Variants in LOC400499 observed in about 807,000 individuals in gnomAD.
chr16:11,441,149 G>A, the LOC400499 span: 5 of 398,284 alleles, frequency 1.3e-5, no homozygotes, highest in African/African-American at 1.0e-4. Context: ...AGCTACCCTG[G>A]GAATCCAGTG....
the LOC400499 span, chr16:11,484,951 C>T: frequency 2.5e-6 from 1 of 399,446 alleles, no homozygotes; most frequent in Non-Finnish European, 4.4e-6. Context: ...GTGGTGCAGG[C>T]CCTGGTTCTG....
At chr16:11,375,374 C>T in the LOC400499 span, among the ~76,000 whole-genome samples, 10 of 128,242 alleles carry the variant, frequency 7.8e-5, no homozygotes, top group Admixed American at 7.8e-5. Flanking sequence ...AGTGCAGTGG[C>T]GGGACCTCAG....
chr16:11,443,066 G>C, the LOC400499 span, among the ~76,000 whole-genome samples: 1 of 152,130 alleles, frequency 6.6e-6, no homozygotes, highest in East Asian at 1.9e-4. Context: ...GTTCATGGCT[G>C]TAATCCCAGC....
At chr16:11,425,773 T>A in the LOC400499 span, among the ~76,000 whole-genome samples, 3 of 152,182 alleles carry the variant, frequency 2.0e-5, no homozygotes, top group East Asian at 5.8e-4. Flanking sequence ...CGATCAGACG[T>A]TTAGAGAACA....
the LOC400499 span, among the ~76,000 whole-genome samples, chr16:11,422,765 C>T: frequency 2.0e-5 from 3 of 152,298 alleles, no homozygotes; most frequent in African/African-American, 4.8e-5. Context: ...GTGCTTCCTG[C>T]CTGCACCCTC....
the LOC400499 span, among the ~76,000 whole-genome samples, chr16:11,442,919 G>C: frequency 7.2e-5 from 11 of 152,138 alleles, no homozygotes; most frequent in Middle Eastern, 3.2e-3. Context: ...TCCCCGGGGA[G>C]CCACACGCAG....
chr16:11,437,275 G>A, the LOC400499 span, among the ~76,000 whole-genome samples: 1 of 152,218 alleles, frequency 6.6e-6, no homozygotes, highest in Non-Finnish European at 1.5e-5. Context: ...AAATCCACAG[G>A]CTGGCAGGGC....
chr16:11,390,490 T>C, the LOC400499 span: 4 of 1,234,222 alleles, frequency 3.2e-6, no homozygotes, highest in Non-Finnish European at 4.0e-6. Flanking sequence ...CCACCCACCA[T>C]GAGACCTCAG....
the LOC400499 span, among the ~76,000 whole-genome samples, chr16:11,466,585 T>C: frequency 1.6e-4 from 24 of 151,984 alleles, no homozygotes; most frequent in Non-Finnish European, 2.6e-4. Context: ...GACGGGGTTT[T>C]GCCATGTTGT....
the LOC400499 span, chr16:11,461,028 A>C: frequency 6.5e-7 from 1 of 1,536,140 alleles, no homozygotes; most frequent in Non-Finnish European, 8.7e-7. Context: ...GCAGCAGGCC[A>C]AGGGCACGAA....
chr16:11,375,114 C>G, the LOC400499 span, among the ~76,000 whole-genome samples: 2,460 of 127,668 alleles, frequency 0.019, 114 homozygotes, highest in Middle Eastern at 0.034. Flanking sequence ...TCCCATAGTG[C>G]TGGGATTACA....
the LOC400499 span, among the ~76,000 whole-genome samples, chr16:11,453,687 G>A: frequency 2.0e-5 from 3 of 151,984 alleles, no homozygotes; most frequent in African/African-American, 7.3e-5. Context: ...AAACAAGGAG[G>A]CCAGGTGCGG....
chr16:11,478,862 C>T, the LOC400499 span, among the ~76,000 whole-genome samples: 1 of 152,080 alleles, frequency 6.6e-6, no homozygotes, highest in Non-Finnish European at 1.5e-5. Flanking sequence ...GTGCTGTTCG[C>T]GTGATAGTGA....
the LOC400499 span, among the ~76,000 whole-genome samples, chr16:11,459,482 C>A: frequency 2.0e-5 from 3 of 152,080 alleles, no homozygotes; most frequent in Non-Finnish European, 2.9e-5. Flanking sequence ...AGGCATGAGC[C>A]ACTGCGCCCG....
At chr16:11,424,075 G>A in the LOC400499 span, 87 of 399,224 alleles carry the variant, frequency 2.2e-4, no homozygotes, top group African/African-American at 1.5e-3. Context: ...ACTGGCCCCC[G>A]AGAGGGCCCG....
At chr16:11,445,673 G>A in the LOC400499 span, among the ~76,000 whole-genome samples, 2 of 152,164 alleles carry the variant, frequency 1.3e-5, no homozygotes, top group Non-Finnish European at 2.9e-5. Context: ...ACGAAGCAGG[G>A]CTGAGGGGAC....
At chr16:11,435,450 T>C in the LOC400499 span, among the ~76,000 whole-genome samples, 1 of 152,032 alleles carries the variant, frequency 6.6e-6, no homozygotes, top group Non-Finnish European at 1.5e-5. Flanking sequence ...AACACTCTCA[T>C]AACAACGCAA....
chr16:11,475,655 A>G, the LOC400499 span: 2 of 399,100 alleles, frequency 5.0e-6, no homozygotes, highest in Admixed American at 8.8e-5. Flanking sequence ...GGACCTCAGA[A>G]GGGCCAGGGA....
chr16:11,493,773 G>A, the LOC400499 span: 4 of 390,708 alleles, frequency 1.0e-5, no homozygotes, highest in African/African-American at 4.4e-5. Flanking sequence ...CCGCGTTGCC[G>A]ACTGCCTTCA....
Sources: gnomAD v4.1 joint callset for allele counts (sites outside exome capture counted in the v4.1 genomes callset) on GRCh38, gnomAD v4.1.1 for gene constraint, MANE v1.5 for transcripts.